Variants in SH3GL3 observed in about 807,000 individuals in gnomAD.
SH3GL3 encodes SH3 domain containing GRB2 like 3, endophilin A3.
SH3GL3 carries 33 observed loss-of-function variants against 47.7 expected under a neutral mutation model. The ratio of observed to expected loss-of-function variants is 0.69; its 90% CI spans 0.52 to 0.92. The LOEUF (loss-of-function observed/expected upper bound fraction) is 0.92, where lower values mean the gene tolerates loss of function less well. SH3GL3 is among the 40% of genes least tolerant of loss of function. SH3GL3 has a pLI of 0.00. For synonymous variants in SH3GL3, 155 were observed against 148.8 expected (o/e 1.04, Z -0.30); for missense variants, 363 against 417.8 (o/e 0.87, Z 1.14).
chr15:83,451,648 G>C (rs1317705564), intron 1 of SH3GL3, among the ~76,000 whole-genome samples: 73 of 117,128 alleles, frequency 6.2e-4, no homozygotes, highest in African/African-American at 2.5e-3. Flanking sequence ...CTTTTTGATG[G>C]GGTTCTTTGT....
chr15:83,461,066 G>A (rs1160521199), intron 1 of SH3GL3, among the ~76,000 whole-genome samples: 1 of 151,118 alleles, frequency 6.6e-6, no homozygotes, highest in Admixed American at 6.6e-5. Context: ...CTGGGCGACA[G>A]AGCGAGACTC....
At chr15:83,467,172 A>G (rs1466813184) in intron 1 of SH3GL3, among the ~76,000 whole-genome samples, 1 of 152,198 alleles carries the variant, frequency 6.6e-6, no homozygotes, top group East Asian at 1.9e-4. Context: ...ATATAGTTTT[A>G]TGTTTTACAT....
At chr15:83,608,031 G>C (rs1391815421) in intron 8 of SH3GL3, among the ~76,000 whole-genome samples, 3 of 152,052 alleles carry the variant, frequency 2.0e-5, no homozygotes, top group Non-Finnish European at 4.4e-5. Context: ...TCATTGTTTT[G>C]TAAGGTGGGG....
At chr15:83,602,210 A>G (rs552480085) in intron 8 of SH3GL3, among the ~76,000 whole-genome samples, 2 of 152,328 alleles carry the variant, frequency 1.3e-5, no homozygotes, top group Middle Eastern at 3.4e-3. Context: ...AATGACACAC[A>G]CATTCCAGGG....
chr15:83,591,697 T>A (rs2060103181), intron 8 of SH3GL3, among the ~76,000 whole-genome samples: 1 of 152,112 alleles, frequency 6.6e-6, no homozygotes, highest in Non-Finnish European at 1.5e-5. Flanking sequence ...TTTATTTTTA[T>A]TTTTTTGAGA....
chr15:83,499,086 C>G (rs76794093), intron 1 of SH3GL3, among the ~76,000 whole-genome samples: 1,743 of 152,184 alleles, frequency 0.011, 16 homozygotes, highest in Non-Finnish European at 0.015. Context: ...CCTCTTCCCC[C>G]ACCTGCTGAG....
chr15:83,474,309 C>G (rs2040991841), intron 1 of SH3GL3, among the ~76,000 whole-genome samples: 1 of 152,152 alleles, frequency 6.6e-6, no homozygotes, highest in South Asian at 2.1e-4. Context: ...GAATTGGGGC[C>G]TGAATGTCCT....
intron 4 of SH3GL3, 85 bp downstream of exon 4, chr15:83,568,757 C>A: frequency 2.1e-6 from 2 of 972,230 alleles, no homozygotes; most frequent in South Asian, 1.7e-5. Flanking sequence ...AGTCTAACAA[C>A]CTTTGTTATT....
intron 1 of SH3GL3, among the ~76,000 whole-genome samples, chr15:83,540,561 T>C (rs867767053): frequency 1.1e-4 from 16 of 152,168 alleles, no homozygotes; most frequent in Admixed American, 2.0e-4. Flanking sequence ...TAAAAGTCTA[T>C]TTTGTAGGAT....
intron 4 of SH3GL3, among the ~76,000 whole-genome samples, chr15:83,570,605 G>T (rs1375768026): frequency 2.0e-5 from 3 of 152,112 alleles, no homozygotes; most frequent in Admixed American, 2.0e-4. Flanking sequence ...TATTCCCAAA[G>T]AATTTGGCAT....
intron 4 of SH3GL3, among the ~76,000 whole-genome samples, chr15:83,568,873 G>A (rs975040993): frequency 1.4e-4 from 21 of 149,902 alleles, no homozygotes; most frequent in African/African-American, 3.7e-4. Flanking sequence ...CATATCCACC[G>A]ATAGGCCCAA....
intron 1 of SH3GL3, among the ~76,000 whole-genome samples, chr15:83,519,042 A>G (rs2043102379): frequency 6.6e-6 from 1 of 151,938 alleles, no homozygotes; most frequent in South Asian, 2.1e-4. Flanking sequence ...CTGTTTTTGT[A>G]CCAGCACCAT....
At chr15:83,587,156 T>C in intron 7 of SH3GL3, 70 bp downstream of exon 7, 3 of 707,886 alleles carry the variant, frequency 4.2e-6, no homozygotes, top group Non-Finnish European at 7.2e-6. Context: ...CATCTGTCTG[T>C]CTCTCCATCT....
chr15:83,594,033 G>A (rs1233324207), intron 8 of SH3GL3, among the ~76,000 whole-genome samples: 2 of 152,132 alleles, frequency 1.3e-5, no homozygotes, highest in African/African-American at 4.8e-5. Context: ...TGCCTAAGCT[G>A]GTCATGAACT....
At chr15:83,502,441 G>A (rs1329773964) in intron 1 of SH3GL3, among the ~76,000 whole-genome samples, 4 of 152,238 alleles carry the variant, frequency 2.6e-5, no homozygotes, top group Non-Finnish European at 4.4e-5. Context: ...TTCAGCATGT[G>A]TCTCCCAAAT....
chr15:83,552,730 A>G (rs2151726760), intron 1 of SH3GL3, among the ~76,000 whole-genome samples: 1 of 152,336 alleles, frequency 6.6e-6, no homozygotes. Flanking sequence ...TATTTTGGTC[A>G]TTCAGATAAT....
At chr15:83,533,724 A>G (rs972879664) in intron 1 of SH3GL3, among the ~76,000 whole-genome samples, 2 of 151,552 alleles carry the variant, frequency 1.3e-5, no homozygotes, top group African/African-American at 4.8e-5. Context: ...CTGGGTTTGG[A>G]GTGTAGGATG....
chr15:83,475,302 AC>A (rs1263513810), intron 1 of SH3GL3, among the ~76,000 whole-genome samples: 1 of 151,532 alleles, frequency 6.6e-6, no homozygotes, highest in Non-Finnish European at 1.5e-5. Context: ...ACATAGTAAA[AC>A]CCTGTCTCTA....
chr15:83,505,597 G>A lies in SH3GL3; in HGVS notation c.46-53656G>A, dbSNP rs181464715. On this transcript the variant is annotated intron_variant, in intron 1 of 8. Coordinates refer to ENST00000427482, the MANE Select transcript of SH3GL3 (RefSeq NM_003027.5). Reference sequence around the variant, plus strand: ...GGCTGGGGTGCAGTGATGCGATCTCGGCTCACTGCAACCTCTACCTCCTAA... The same window carrying A: ...GGCTGGGGTGCAGTGATGCGATCTCAGCTCACTGCAACCTCTACCTCCTAA... Among the ~76,000 whole-genome samples the A allele has an allele frequency of 4.8e-3, 703 of 147,636 alleles. 5 individuals carry two copies. Among genetic ancestry groups the A allele is most frequent in the African/African-American group, 0.016 (626 of 39,820 alleles).
Sources: gnomAD v4.1 joint callset for allele counts (sites outside exome capture counted in the v4.1 genomes callset) on GRCh38, gnomAD v4.1.1 for gene constraint, MANE v1.5 for transcripts, NCBI Gene and HGNC (gene_info 2026-07-23, HGNC 2026-07-21) for gene names.